The following BCKDHB variants were observed in gnomAD, a reference collection of about 807,000 sequenced individuals.
BCKDHB encodes branched chain keto acid dehydrogenase E1 subunit beta, also known as 2-oxoisovalerate dehydrogenase subunit beta, mitochondrial.
A neutral mutation model predicts 48.5 loss-of-function variants in BCKDHB; 41 were observed. The observed-to-expected ratio is 0.85, with a 90% CI of 0.66 to 1.10. The LOEUF is 1.10. Among genes scored for constraint, BCKDHB ranks in the 50% least tolerant of loss-of-function variants. The probability of loss-of-function intolerance (pLI) is 0.00; values close to 1 mark genes in which losing one functional copy is unlikely to be tolerated. For synonymous variants in BCKDHB, 201 were observed against 174.8 expected, an observed-to-expected ratio of 1.15 and a Z score of -1.18; for missense variants, 496 against 494.2, an observed-to-expected ratio of 1.00 and a Z score of -0.03.
intron 8 of BCKDHB, among the ~76,000 whole-genome samples, chr6:80,243,730 C>T (rs1225261529): frequency 1.3e-5 from 2 of 152,126 alleles, no homozygotes; most frequent in African/African-American, 4.8e-5. Flanking sequence ...GGGATAGTGT[C>T]TCATGGTGTT....
At chr6:80,306,818 C>A (rs746816697) in intron 9 of BCKDHB, among the ~76,000 whole-genome samples, 1 of 152,152 alleles carries the variant, frequency 6.6e-6, no homozygotes, top group African/African-American at 2.4e-5. Flanking sequence ...CCCCAGCTTC[C>A]TTGTGGAAGT....
chr6:80,212,390 C>T (rs911685100), intron 8 of BCKDHB, among the ~76,000 whole-genome samples: 1 of 152,094 alleles, frequency 6.6e-6, no homozygotes, highest in Non-Finnish European at 1.5e-5. Context: ...CGATATCTCT[C>T]CTACTTGCAT....
At chr6:80,309,086 G>A (rs926149928) in intron 9 of BCKDHB, among the ~76,000 whole-genome samples, 6 of 149,354 alleles carry the variant, frequency 4.0e-5, no homozygotes, top group Middle Eastern at 3.4e-3. Flanking sequence ...TTTTTTAGAC[G>A]GAGTCTCGCT....
chr6:80,348,883 C>G (rs1176371009), downstream of BCKDHB, among the ~76,000 whole-genome samples: 1 of 151,982 alleles, frequency 6.6e-6, no homozygotes, highest in East Asian at 1.9e-4. Flanking sequence ...ATTTAGAAAC[C>G]CTGGCACCTC....
chr6:80,185,569 G>A (rs1773603911), intron 6 of BCKDHB, among the ~76,000 whole-genome samples: 1 of 152,128 alleles, frequency 6.6e-6, no homozygotes, highest in Admixed American at 6.6e-5. Context: ...GAAAGAACTG[G>A]AACTCAAGGG....
chr6:80,298,012 C>G (rs546645292), intron 9 of BCKDHB, among the ~76,000 whole-genome samples: 1 of 151,980 alleles, frequency 6.6e-6, no homozygotes, highest in Admixed American at 6.6e-5. Flanking sequence ...GCTGCCTCCT[C>G]TGTTTTTTTC....
At chr6:80,276,765 G>A (rs1473161237) in intron 9 of BCKDHB, among the ~76,000 whole-genome samples, 1 of 151,672 alleles carries the variant, frequency 6.6e-6, no homozygotes, top group African/African-American at 2.4e-5. Flanking sequence ...TAAACTCACA[G>A]AAGTGATTAG....
chr6:80,257,464 T>TA (rs1777101953), intron 8 of BCKDHB, among the ~76,000 whole-genome samples: 1 of 150,226 alleles, frequency 6.7e-6, no homozygotes, highest in South Asian at 2.1e-4. Context: ...ATATATATTC[T>TA]AATAAATAAT....
chr6:80,212,064 G>A (rs1002309857), intron 8 of BCKDHB, among the ~76,000 whole-genome samples: 4 of 152,124 alleles, frequency 2.6e-5, no homozygotes, highest in Non-Finnish European at 5.9e-5. Context: ...GTCCAACAAA[G>A]ATCACAAGGC....
At chr6:80,411,520 T>A in the BCKDHB span, among the ~76,000 whole-genome samples, 13 of 152,236 alleles carry the variant, frequency 8.5e-5, no homozygotes, top group African/African-American at 3.1e-4. Context: ...GACGTTAAAG[T>A]CTGCAGAAGT....
the BCKDHB span, among the ~76,000 whole-genome samples, chr6:80,425,414 G>T: frequency 6.6e-6 from 1 of 152,218 alleles, no homozygotes; most frequent in Non-Finnish European, 1.5e-5. Context: ...TAACAGCTTG[G>T]TTTTTTCAAC....
In BCKDHB at chr6:80,139,179, G is replaced by GTTCA. The variant is rs1464715195; in HGVS notation, c.343+9953_343+9956dup. Among the ~76,000 whole-genome samples, 13 of 152,222 alleles carry GTTCA rather than the reference G, an allele frequency of 8.5e-5. No homozygotes were observed. In the East Asian group the frequency reaches 2.5e-3, roughly 29 times the overall value. ...GTCTTTTTCTTGTAAATTTGTTTGA[G>GTTCA]TTCATTGTAGATTCTGGATATTAGC... is the stretch of plus-strand genomic sequence containing the variant. On this transcript the variant is annotated intron_variant, in intron 3 of 9. Coordinates refer to ENST00000320393, the MANE Select transcript of BCKDHB (RefSeq NM_183050.4).
chr6:80,294,008 A>G (rs547022379), intron 9 of BCKDHB, among the ~76,000 whole-genome samples: 1 of 152,330 alleles, frequency 6.6e-6, no homozygotes, highest in Admixed American at 6.5e-5. Context: ...ACAAGTCTCT[A>G]GGAAGTTTCA....
intron 3 of BCKDHB, among the ~76,000 whole-genome samples, chr6:80,143,039 G>A (rs1329359095): frequency 3.3e-5 from 5 of 152,088 alleles, no homozygotes; most frequent in Non-Finnish European, 7.4e-5. Flanking sequence ...TATCAGGGCT[G>A]AAAAAGGATC....
chr6:80,302,005 CAATA>C (rs1485767008), intron 9 of BCKDHB, among the ~76,000 whole-genome samples: 1 of 151,972 alleles, frequency 6.6e-6, no homozygotes. Context: ...TACCTCAAAA[CAATA>C]AAAGCCATCT....
intron 1 of BCKDHB, among the ~76,000 whole-genome samples, chr6:80,113,686 A>G (rs1769534471): frequency 6.6e-6 from 1 of 152,258 alleles, no homozygotes; most frequent in Non-Finnish European, 1.5e-5. Context: ...CATTTTGAAC[A>G]AAGAATTGGA....
intron 9 of BCKDHB, among the ~76,000 whole-genome samples, chr6:80,311,855 A>G (rs1174263450): frequency 6.6e-6 from 1 of 152,198 alleles, no homozygotes; most frequent in South Asian, 2.1e-4. Flanking sequence ...GAAGTCGAGT[A>G]ACATTGATGC....
chr6:80,233,914 GTTTTTCCACAGACTGGAAGACAA>G (rs1475090532), intron 8 of BCKDHB, among the ~76,000 whole-genome samples: 1 of 152,190 alleles, frequency 6.6e-6, no homozygotes, highest in Non-Finnish European at 1.5e-5. Flanking sequence ...ATAGAAGACA[GTTTTTCCACAGACTGGAAGACAA>G]TTTTTCCACA....
At chr6:80,224,468 C>T (rs1014572458) in intron 8 of BCKDHB, among the ~76,000 whole-genome samples, 1 of 152,054 alleles carries the variant, frequency 6.6e-6, no homozygotes, top group African/African-American at 2.4e-5. Flanking sequence ...TCTCAGCTCA[C>T]TGCAACCTCT....
Sources: gnomAD v4.1 joint callset for allele counts (sites outside exome capture counted in the v4.1 genomes callset) on GRCh38, gnomAD v4.1.1 for gene constraint, MANE v1.5 for transcripts, NCBI Gene and HGNC (gene_info 2026-07-23, HGNC 2026-07-21) for gene names.